Variants in DMD observed in about 807,000 individuals in gnomAD.
DMD encodes the protein mutant dystrophin.
In DMD, 63 loss-of-function variants were observed where a neutral mutation model predicts 330.1. The ratio of observed to expected loss-of-function variants is 0.19; its 90% CI spans 0.16 to 0.24. DMD has a LOEUF of 0.24. Among genes scored for constraint, DMD ranks in the 10% least tolerant of loss-of-function variants. The pLI, the probability that DMD is intolerant of heterozygous loss-of-function variation, is 1.00. For synonymous variants in DMD, 1,223 were observed against 959.8 expected (o/e 1.27, Z -5.07); for missense variants, 3,344 against 2,684.1 (o/e 1.25, Z -5.43).
chrX:31,843,905 G>A (rs1401274277), intron 48 of DMD, among the ~76,000 whole-genome samples: 3 of 111,682 alleles, frequency 2.7e-5, no homozygotes, highest in Non-Finnish European at 5.6e-5. Context: ...TCAGGCTGAA[G>A]TGCAGTGGCG....
At chrX:33,278,933 A>T (rs1310738913) in intron 1 of DMD, among the ~76,000 whole-genome samples, 1 of 111,713 alleles carries the variant, frequency 9.0e-6, no homozygotes, top group Non-Finnish European at 1.9e-5. Context: ...GTACTTTTCA[A>T]GACCTACGAA....
At chrX:32,237,729 T>C (rs1304303465) in intron 43 of DMD, among the ~76,000 whole-genome samples, 2 of 111,961 alleles carry the variant, frequency 1.8e-5, no homozygotes, top group Non-Finnish European at 3.8e-5. Flanking sequence ...CCACGCATTT[T>C]TGACTGACAT....
intron 9 of DMD, among the ~76,000 whole-genome samples, chrX:32,670,891 T>C (rs183040120): frequency 2.7e-5 from 3 of 111,589 alleles, no homozygotes; most frequent in Middle Eastern, 4.7e-3. Context: ...GCCAAAAGCA[T>C]TGTAATGTTG....
At chrX:31,578,893 C>CA (rs1321350687) in intron 55 of DMD, among the ~76,000 whole-genome samples, 1 of 112,145 alleles carries the variant, frequency 8.9e-6, no homozygotes, top group Non-Finnish European at 1.9e-5. Context: ...ATTAACAGGA[C>CA]AAAATCATTG....
chrX:31,698,973 T>TTAAAA (rs1170648215), intron 52 of DMD, among the ~76,000 whole-genome samples: 11 of 111,763 alleles, frequency 9.8e-5, no homozygotes, highest in Non-Finnish European at 1.9e-4. Flanking sequence ...TAGCCTAACA[T>TTAAAA]TTAAGGTTAG....
intron 59 of DMD, among the ~76,000 whole-genome samples, chrX:31,476,290 G>A (rs768975174): frequency 9.5e-6 from 1 of 105,489 alleles, no homozygotes; most frequent in South Asian, 4.3e-4. Flanking sequence ...AACAGCATTT[G>A]CAAAGGCAGA....
intron 63 of DMD, among the ~76,000 whole-genome samples, chrX:31,235,293 T>C (rs1420303477): frequency 8.9e-6 from 1 of 112,159 alleles, no homozygotes; most frequent in African/African-American, 3.2e-5. Context: ...CCAATGAACA[T>C]TTTTAAGGTT....
chrX:31,954,236 A>T (rs1229743500), intron 45 of DMD, among the ~76,000 whole-genome samples: 1 of 111,943 alleles, frequency 8.9e-6, no homozygotes, highest in Non-Finnish European at 1.9e-5. Context: ...TTTACATTTT[A>T]AAATTAATAT....
At chrX:32,255,834 C>G (rs1292456845) in intron 43 of DMD, among the ~76,000 whole-genome samples, 2 of 111,611 alleles carry the variant, frequency 1.8e-5, no homozygotes, top group African/African-American at 6.5e-5. Flanking sequence ...GATATACTTT[C>G]CCTATATCAA....
At chrX:32,019,118 T>A (rs1255409224) in intron 44 of DMD, among the ~76,000 whole-genome samples, 2 of 110,803 alleles carry the variant, frequency 1.8e-5, no homozygotes, top group African/African-American at 6.5e-5. Flanking sequence ...TGAGGGCTTT[T>A]TTTTTTCTTT....
intron 2 of DMD, among the ~76,000 whole-genome samples, chrX:32,852,691 G>C (rs766887305): frequency 1.9e-4 from 21 of 109,929 alleles, no homozygotes; most frequent in Non-Finnish European, 3.8e-4. Context: ...AGGCCTCGCA[G>C]CGTTTACTCC....
chrX:32,333,163 T>C (rs1467525001), intron 41 of DMD, among the ~76,000 whole-genome samples: 1 of 111,991 alleles, frequency 8.9e-6, no homozygotes, highest in African/African-American at 3.2e-5. Context: ...TAAATGTTTA[T>C]TTAAGACTTT....
rs1387418271 is a variant in DMD, at chrX:32,446,409, GA to G, written c.3786+2046del. ...ACAAATAATATTTTCAGTGTTGTAG[GA>G]AAAAAAAAAACCTGTCCTTACATAA... On this transcript the variant is annotated intron_variant, in intron 27 of 78. Transcript: ENST00000357033. 1.4e-3 allele frequency among the ~76,000 whole-genome samples: 147 copies of G among 103,151 alleles called. 1 individual carries two copies. The highest frequency in any genetic ancestry group is 2.8e-3 in the African/African-American group (81 of 29,030). The allele number at this position is 103,151 out of a possible 115,157, so 89.6% of individuals were successfully genotyped here.
At chrX:32,812,739 C>T (rs2077461756) in intron 6 of DMD, among the ~76,000 whole-genome samples, 1 of 112,251 alleles carries the variant, frequency 8.9e-6, no homozygotes, top group Admixed American at 9.5e-5. Flanking sequence ...CGAATCCCTC[C>T]ATATTTTCCA....
chrX:31,907,104 C>T (rs1169036018), intron 47 of DMD, among the ~76,000 whole-genome samples: 5 of 111,952 alleles, frequency 4.5e-5, no homozygotes, highest in African/African-American at 1.3e-4. Context: ...AGTACTGAAG[C>T]CAACTGTCTT....
chrX:32,773,570 A>T (rs1437587366), intron 7 of DMD, among the ~76,000 whole-genome samples: 7 of 101,248 alleles, frequency 6.9e-5, no homozygotes, highest in Non-Finnish European at 1.2e-4. Context: ...TGTCCTCCCC[A>T]CTTACCCTTC....
chrX:31,931,519 A>T (rs2149998273), intron 46 of DMD, among the ~76,000 whole-genome samples: 1 of 110,489 alleles, frequency 9.1e-6, no homozygotes, highest in Non-Finnish European at 1.9e-5. Context: ...AAAACAAAAC[A>T]TTGCTTCGGG....
At chrX:32,449,619 C>A (rs144860174) in intron 26 of DMD, among the ~76,000 whole-genome samples, 164 of 107,745 alleles carry the variant, frequency 1.5e-3, no homozygotes, top group African/African-American at 5.2e-3. Context: ...ACCCCCTGGC[C>A]TCCATGTTGT....
At chrX:31,908,440 C>T (rs890731735) in intron 47 of DMD, among the ~76,000 whole-genome samples, 3 of 110,304 alleles carry the variant, frequency 2.7e-5, no homozygotes, top group Admixed American at 9.7e-5. Context: ...AAGCTGGAAA[C>T]CAACATTCTG....
Sources: allele counts gnomAD v4.1 joint callset (sites outside exome capture counted in the v4.1 genomes callset), GRCh38; gene constraint gnomAD v4.1.1; transcripts MANE v1.5; gene names NCBI Gene and HGNC (gene_info 2026-07-23, HGNC 2026-07-21).